The following HYCC2 variants were observed in gnomAD, a reference collection of about 807,000 sequenced individuals.
HYCC2 encodes the protein hyccin PI4KA lipid kinase complex subunit 2, also known as hyccin 2.
the HYCC2 span, among the ~76,000 whole-genome samples, chr2:201,061,720 TGACTGTCATTTTTTA>T: frequency 3.3e-5 from 5 of 152,242 alleles, no homozygotes; most frequent in East Asian, 9.6e-4. Context: ...ATTATTTTAC[TGACTGTCATTTTTTA>T]GACTGTTTTT....
the HYCC2 span, among the ~76,000 whole-genome samples, chr2:201,040,373 T>C: frequency 2.6e-5 from 4 of 152,128 alleles, no homozygotes; most frequent in Admixed American, 6.5e-5. Context: ...AAAATAAGCC[T>C]ATTACATGTT....
chr2:201,018,389 A>G, the HYCC2 span, among the ~76,000 whole-genome samples: 1 of 152,188 alleles, frequency 6.6e-6, no homozygotes, highest in Non-Finnish European at 1.5e-5. Flanking sequence ...AATTTCATGT[A>G]CTTTCCTCTA....
the HYCC2 span, among the ~76,000 whole-genome samples, chr2:201,061,736 G>A: frequency 6.6e-6 from 1 of 150,512 alleles, no homozygotes; most frequent in Non-Finnish European, 1.5e-5. Context: ...TCATTTTTTA[G>A]ACTGTTTTTC....
chr2:201,044,619 G>T, the HYCC2 span, among the ~76,000 whole-genome samples: 1 of 152,086 alleles, frequency 6.6e-6, no homozygotes, highest in Admixed American at 6.6e-5. Flanking sequence ...TATGACAAAG[G>T]TTTATTTTTA....
the HYCC2 span, among the ~76,000 whole-genome samples, chr2:201,004,679 C>A: frequency 8.5e-5 from 13 of 152,310 alleles, no homozygotes; most frequent in Admixed American, 7.2e-4. Flanking sequence ...CCCATATGGA[C>A]TGCTTAGCTA....
chr2:200,990,569 A>T, the HYCC2 span, among the ~76,000 whole-genome samples: 1 of 147,856 alleles, frequency 6.8e-6, no homozygotes, highest in Non-Finnish European at 1.5e-5. Flanking sequence ...ATCCCGCTAA[A>T]TTTTTTTTTC....
chr2:201,001,530 C>T, the HYCC2 span, among the ~76,000 whole-genome samples: 5 of 152,310 alleles, frequency 3.3e-5, no homozygotes, highest in African/African-American at 9.6e-5. Context: ...CTGATACATT[C>T]TACCACAGAA....
At chr2:201,013,576 T>C in the HYCC2 span, among the ~76,000 whole-genome samples, 1 of 152,066 alleles carries the variant, frequency 6.6e-6, no homozygotes, top group Non-Finnish European at 1.5e-5. Flanking sequence ...TCTGAGTTTA[T>C]TATGTCAGAG....
chr2:201,021,815 A>G, the HYCC2 span: 1 of 314,312 alleles, frequency 3.2e-6, no homozygotes. Context: ...ACTCTTGACC[A>G]TATGGATATG....
At chr2:201,033,307 C>G in the HYCC2 span, among the ~76,000 whole-genome samples, 1 of 151,802 alleles carries the variant, frequency 6.6e-6, no homozygotes, top group Non-Finnish European at 1.5e-5. Flanking sequence ...CAGGCTCAAG[C>G]AATCTTCACA....
chr2:201,016,275 T>G, the HYCC2 span, among the ~76,000 whole-genome samples: 1 of 152,206 alleles, frequency 6.6e-6, no homozygotes, highest in Non-Finnish European at 1.5e-5. Context: ...CAAGTTACAC[T>G]TATAGACATT....
At chr2:201,007,861 A>G in the HYCC2 span, among the ~76,000 whole-genome samples, 1 of 152,208 alleles carries the variant, frequency 6.6e-6, no homozygotes, top group Non-Finnish European at 1.5e-5. Flanking sequence ...TGGAAACCAG[A>G]GCTTAAATGA....
the HYCC2 span, among the ~76,000 whole-genome samples, chr2:201,033,722 A>AT: frequency 0.047 from 7,159 of 151,876 alleles, 541 homozygotes; most frequent in African/African-American, 0.16. Context: ...TTTGTTGTAT[A>AT]TAGAGAGCGG....
At chr2:201,038,043 C>A in the HYCC2 span, among the ~76,000 whole-genome samples, 1 of 151,950 alleles carries the variant, frequency 6.6e-6, no homozygotes, top group Non-Finnish European at 1.5e-5. Context: ...AACAAATTTA[C>A]AAGAAAAAAA....
the HYCC2 span, among the ~76,000 whole-genome samples, chr2:201,051,311 C>T: frequency 6.6e-6 from 1 of 152,068 alleles, no homozygotes; most frequent in Non-Finnish European, 1.5e-5. Flanking sequence ...GAAAACAAGA[C>T]AGAGATGACC....
the HYCC2 span, among the ~76,000 whole-genome samples, chr2:201,057,753 T>C: frequency 6.6e-6 from 1 of 152,104 alleles, no homozygotes; most frequent in Non-Finnish European, 1.5e-5. Context: ...GCCTGGTTTA[T>C]ACATGGTTGC....
the HYCC2 span, among the ~76,000 whole-genome samples, chr2:201,026,926 C>T: frequency 6.6e-6 from 1 of 152,210 alleles, no homozygotes; most frequent in South Asian, 2.1e-4. Flanking sequence ...AGAGCAAATA[C>T]ATTCAAAAGC....
chr2:201,041,168 T>C, the HYCC2 span, among the ~76,000 whole-genome samples: 1 of 152,326 alleles, frequency 6.6e-6, no homozygotes, highest in East Asian at 1.9e-4. Context: ...CATGATACTA[T>C]GTCCTATGAA....
chr2:201,034,788 T>G, the HYCC2 span, among the ~76,000 whole-genome samples: 1 of 152,242 alleles, frequency 6.6e-6, no homozygotes, highest in Non-Finnish European at 1.5e-5. Flanking sequence ...AGGAGCTCTT[T>G]TAGGGCAGGC....
Sources: gnomAD v4.1 joint callset for allele counts (sites outside exome capture counted in the v4.1 genomes callset) on GRCh38, gnomAD v4.1.1 for gene constraint, MANE v1.5 for transcripts, NCBI Gene and HGNC (gene_info 2026-07-23, HGNC 2026-07-21) for gene names.